Variants in CADPS2 observed in about 807,000 individuals in gnomAD.
CADPS2 encodes the protein calcium-dependent secretion activator 2.
Under a neutral mutation model 172.5 loss-of-function variants are expected in CADPS2, and 93 were observed. The ratio of observed to expected loss-of-function variants is 0.54; its 90% confidence interval spans 0.46 to 0.64. The LOEUF (loss-of-function observed/expected upper bound fraction) is 0.64, where lower values mean the gene tolerates loss of function less well. Among genes scored for constraint, CADPS2 ranks in the 30% least tolerant of loss-of-function variants. The pLI, the probability that CADPS2 is intolerant of heterozygous loss-of-function variation, is 0.00. For synonymous variants in CADPS2, 546 were observed against 555.2 expected (o/e 0.98, Z 0.23); for missense variants, 1,420 against 1,565.9 (o/e 0.91, Z 1.57).
intron 3 of CADPS2, among the ~76,000 whole-genome samples, chr7:122,652,832 CA>C (rs1361856153): frequency 2.6e-5 from 4 of 152,176 alleles, no homozygotes; most frequent in Middle Eastern, 3.4e-3. Context: ...TTCTTGATAA[CA>C]ATAACAATTT....
chr7:122,882,178 C>T (rs1481670155), intron 1 of CADPS2, among the ~76,000 whole-genome samples: 1 of 152,158 alleles, frequency 6.6e-6, no homozygotes, highest in African/African-American at 2.4e-5. Flanking sequence ...ACTTCCCCAC[C>T]ATCTGCAATT....
At chr7:122,414,834 A>G (rs562740241) in intron 18 of CADPS2, among the ~76,000 whole-genome samples, 3 of 152,324 alleles carry the variant, frequency 2.0e-5, no homozygotes, top group South Asian at 2.1e-4. Context: ...ATTTTTTAGA[A>G]CTAGGCTTCA....
chr7:122,545,853 A>G (rs2063564594), intron 8 of CADPS2, among the ~76,000 whole-genome samples: 2 of 152,206 alleles, frequency 1.3e-5, no homozygotes, highest in East Asian at 3.9e-4. Flanking sequence ...TCTTTGATTG[A>G]CCTGTGGACT....
intron 8 of CADPS2, among the ~76,000 whole-genome samples, chr7:122,553,047 C>G (rs1199514214): frequency 6.6e-6 from 1 of 152,096 alleles, no homozygotes; most frequent in Non-Finnish European, 1.5e-5. Context: ...CCAGTTCTCC[C>G]ACTGTCTACC....
chr7:122,569,635 T>C (rs1397840005), intron 7 of CADPS2, among the ~76,000 whole-genome samples: 1 of 135,172 alleles, frequency 7.4e-6, no homozygotes, highest in Non-Finnish European at 1.5e-5. Context: ...CAAACTATAC[T>C]ACAAGGCTAC....
intron 10 of CADPS2, among the ~76,000 whole-genome samples, chr7:122,490,871 AAATATCAGGTGTCC>A (rs1374384213): frequency 6.6e-6 from 1 of 152,104 alleles, no homozygotes; most frequent in Non-Finnish European, 1.5e-5. Flanking sequence ...TCAATTTTTT[AAATATCAGGTGTCC>A]AATACTCTTT....
At chr7:122,458,470 T>C (rs1377456146) in intron 14 of CADPS2, among the ~76,000 whole-genome samples, 2 of 152,164 alleles carry the variant, frequency 1.3e-5, no homozygotes, top group Non-Finnish European at 2.9e-5. Flanking sequence ...CAGAAGAAAT[T>C]AATTGTGTCT....
chr7:122,455,538 A>T (rs1415755882), intron 14 of CADPS2, among the ~76,000 whole-genome samples: 1 of 152,102 alleles, frequency 6.6e-6, no homozygotes, highest in Non-Finnish European at 1.5e-5. Context: ...CTAGAACACC[A>T]GATGGCATAT....
intron 1 of CADPS2, among the ~76,000 whole-genome samples, chr7:122,820,342 G>A (rs1193780235): frequency 6.6e-6 from 1 of 151,948 alleles, no homozygotes; most frequent in East Asian, 1.9e-4. Flanking sequence ...TTCCTCATCT[G>A]TTACCTATCT....
intron 3 of CADPS2, among the ~76,000 whole-genome samples, chr7:122,631,245 T>C (rs2076548013): frequency 6.6e-6 from 1 of 152,184 alleles, no homozygotes; most frequent in Admixed American, 6.5e-5. Flanking sequence ...ATAAAGAAAT[T>C]ATATTTTTCT....
At chr7:122,723,061 T>C (rs1437977009) in intron 2 of CADPS2, among the ~76,000 whole-genome samples, 1 of 152,012 alleles carries the variant, frequency 6.6e-6, no homozygotes. Context: ...ATGTTAGACT[T>C]AAAACCATAA....
At chr7:122,644,581 T>C (rs971174939) in intron 3 of CADPS2, among the ~76,000 whole-genome samples, 2 of 152,184 alleles carry the variant, frequency 1.3e-5, no homozygotes, top group Non-Finnish European at 2.9e-5. Context: ...ACAGAGTAAT[T>C]CCACCTGTAT....
At chr7:122,772,650 G>T (rs910141109) in intron 1 of CADPS2, among the ~76,000 whole-genome samples, 1 of 151,988 alleles carries the variant, frequency 6.6e-6, no homozygotes, top group Non-Finnish European at 1.5e-5. Context: ...ACAAAAAAAA[G>T]GGCTCAAAGA....
intron 17 of CADPS2, among the ~76,000 whole-genome samples, chr7:122,420,764 T>C (rs1181019029): frequency 1.3e-5 from 2 of 152,250 alleles, no homozygotes; most frequent in African/African-American, 4.8e-5. Context: ...AGTAGCAAAG[T>C]TGCTTGATGA....
chr7:122,588,308 C>A (rs2133110304), intron 6 of CADPS2, among the ~76,000 whole-genome samples: 1 of 152,014 alleles, frequency 6.6e-6, no homozygotes, highest in African/African-American at 2.4e-5. Context: ...CCTACATTTT[C>A]TTCTAGGGTT....
intron 27 of CADPS2, among the ~76,000 whole-genome samples, chr7:122,358,186 G>A (rs1349573932): frequency 6.6e-6 from 1 of 152,172 alleles, no homozygotes; most frequent in South Asian, 2.1e-4. Context: ...GTACATAGTG[G>A]TATCTTCTTT....
intron 28 of CADPS2, among the ~76,000 whole-genome samples, chr7:122,343,568 G>A (rs1278890556): frequency 1.3e-5 from 2 of 152,156 alleles, no homozygotes; most frequent in Non-Finnish European, 2.9e-5. Context: ...ATGAACTGAT[G>A]GCAAGAATGG....
chr7:122,859,619 A>G (rs1204517363), intron 1 of CADPS2, among the ~76,000 whole-genome samples: 1 of 152,124 alleles, frequency 6.6e-6, no homozygotes, highest in African/African-American at 2.4e-5. Context: ...CTACACTATT[A>G]TAGTCATCCT....
chr7:122,688,610 G>C (rs2083925832), intron 2 of CADPS2, among the ~76,000 whole-genome samples: 1 of 152,186 alleles, frequency 6.6e-6, no homozygotes, highest in African/African-American at 2.4e-5. Flanking sequence ...CTGTGCTGCT[G>C]GCTCTCCCTT....
Sources: allele counts gnomAD v4.1 joint callset (sites outside exome capture counted in the v4.1 genomes callset), GRCh38; gene constraint gnomAD v4.1.1; transcripts MANE v1.5; gene names NCBI Gene and HGNC (gene_info 2026-07-23, HGNC 2026-07-21).